Variants in EDNRA observed in about 807,000 individuals in gnomAD.
EDNRA encodes the protein endothelin receptor type A.
A neutral mutation model predicts 41.4 loss-of-function variants in EDNRA; 11 were observed. The observed-to-expected ratio is 0.27, with a 90% CI of 0.17 to 0.44. EDNRA has a LOEUF of 0.44. Among genes scored for constraint, EDNRA ranks in the 20% least tolerant of loss-of-function variants. The probability of loss-of-function intolerance (pLI) is 1.00; values close to 1 mark genes in which losing one functional copy is unlikely to be tolerated. For missense variants in EDNRA, 294 were observed against 531.0 expected, an observed-to-expected ratio of 0.55 and a Z score of 4.39; for synonymous variants, 172 against 183.0, an observed-to-expected ratio of 0.94 and a Z score of 0.49.
chr4:147,507,813 A>T (rs1468823667), intron 2 of EDNRA, among the ~76,000 whole-genome samples: 2 of 152,168 alleles, frequency 1.3e-5, no homozygotes, highest in Non-Finnish European at 2.9e-5. Flanking sequence ...CCCAACACTT[A>T]TTATTGTCAG....
In EDNRA at chr4:147,542,517, A is replaced by T. The variant is rs1203866800; in HGVS notation, c.1183A>T (p.Met395Leu). The change falls in exon 8 of 8, where the codon ATG (methionine) becomes TTG (leucine). Residue 395 changes from methionine to leucine, a missense_variant. Met to Leu is a conservative substitution (Grantham distance 15, BLOSUM62 2). This residue lies in a region of EDNRA where 185 missense variants were observed against 390.8 expected (regional missense o/e 0.47). Transcript: ENST00000651419. Reference sequence around the variant, plus strand: ...CTGCTGTTACCAGTCCAAAAGTCTGATGACCTCGGTCCCCATGAACGGAAC... The same window carrying T: ...CTGCTGTTACCAGTCCAAAAGTCTGTTGACCTCGGTCCCCATGAACGGAAC... ...CCCCYQSKSL[M>L]TSVPMNGTSI... 9 of 1,614,134 alleles carry T rather than the reference A, an allele frequency of 5.6e-6. No homozygotes were observed. The South Asian group carries it at 7.7e-5, about 14-fold the overall frequency.
intron 4 of EDNRA, 93 bp downstream of exon 4, chr4:147,532,797 CAA>C: frequency 7.6e-7 from 1 of 1,312,190 alleles, no homozygotes; most frequent in Non-Finnish European, 1.1e-6. Context: ...GCCACAATGT[CAA>C]GTGTGGTTTC....
In EDNRA at chr4:147,519,774, G is replaced by T; in HGVS notation, c.421-77G>T. 6.7e-7 allele frequency: 1 copy of T among 1,496,368 alleles called. No homozygotes were observed. Among genetic ancestry groups the T allele is most frequent in the Non-Finnish European group, 9.0e-7 (1 of 1,111,814 alleles). 92.7% of individuals were successfully genotyped at this position (1,496,368 alleles called of 1,614,324 possible). A position where few individuals can be genotyped will look rare whatever the true frequency, so the allele number is the denominator to read the frequency against. ...GTGAATAAAATTTAGAAGTTGGGAC[G>T]CATAACTAAAACTGTAAGTGCCCAC... On this transcript the variant is annotated intron_variant, in intron 2 of 7. Coordinates refer to ENST00000651419, the MANE Select transcript of EDNRA (RefSeq NM_001957.4). This position sits in a 1 kb window ranked among gnomAD's most constrained non-coding sequence, Gnocchi z 4.1.
chr4:147,520,977 C>T (rs1015107534), intron 3 of EDNRA, among the ~76,000 whole-genome samples: 14 of 152,172 alleles, frequency 9.2e-5, no homozygotes, highest in African/African-American at 3.4e-4. Context: ...TTTATGTCAG[C>T]TGGGCACGGT....
At chr4:147,484,224 G>A (rs569031447) in intron 1 of EDNRA, among the ~76,000 whole-genome samples, 1 of 151,946 alleles carries the variant, frequency 6.6e-6, no homozygotes, top group African/African-American at 2.4e-5. Context: ...TAGACTTCCT[G>A]GACAGGAAGG....
chr4:147,536,696 T>A (rs1730933312), intron 5 of EDNRA, among the ~76,000 whole-genome samples: 1 of 152,112 alleles, frequency 6.6e-6, no homozygotes, highest in African/African-American at 2.4e-5. Context: ...TGCTAGGAAA[T>A]GGGATCATGT....
chr4:147,498,855 T>C (rs1729406883), intron 2 of EDNRA, among the ~76,000 whole-genome samples: 1 of 152,184 alleles, frequency 6.6e-6, no homozygotes, highest in African/African-American at 2.4e-5. Context: ...TTCTCTTACC[T>C]CAACCTTCCA....
chr4:147,521,494 T>C (rs1325313771), intron 3 of EDNRA, among the ~76,000 whole-genome samples: 1 of 152,168 alleles, frequency 6.6e-6, no homozygotes, highest in African/African-American at 2.4e-5. Context: ...GAGATCATGG[T>C]ACCTTAGACC....
At chr4:147,496,380 A>AAAG (rs10305879) in intron 2 of EDNRA, among the ~76,000 whole-genome samples, 4,471 of 152,330 alleles carry the variant, frequency 0.029, 194 homozygotes, top group African/African-American at 0.1. Context: ...TTACTTGCTT[A>AAAG]AAGAAGTGAA....
chr4:147,501,681 A>G (rs1729521354), intron 2 of EDNRA, among the ~76,000 whole-genome samples: 1 of 152,194 alleles, frequency 6.6e-6, no homozygotes, highest in Admixed American at 6.5e-5. Context: ...CATCCTGGAG[A>G]TCTCTGAATA....
chr4:147,503,654 A>C (rs1380571845), intron 2 of EDNRA, among the ~76,000 whole-genome samples: 1 of 152,240 alleles, frequency 6.6e-6, no homozygotes, highest in Non-Finnish European at 1.5e-5. Flanking sequence ...CCAGCAAAGA[A>C]AATTAAATAT....
In EDNRA at chr4:147,528,073, A is replaced by G. The variant is rs372192406; in HGVS notation, c.549-4433A>G. The stretch of plus-strand genomic sequence containing the variant: ...TGTAGTGTGCTATTAGCTTTAGCCA[A>G]TTAAGGTAAGGTAAGGTTACACAGT... On this transcript the variant is annotated intron_variant, in intron 3 of 7. Coordinates refer to ENST00000651419, the MANE Select transcript of EDNRA (RefSeq NM_001957.4). 6.6e-5 allele frequency among the ~76,000 whole-genome samples: 10 copies of G among 152,334 alleles called. 1 individual carries two copies. The South Asian group carries it at 8.3e-4, about 13-fold the overall frequency.
chr4:147,505,684 T>G (rs1465819846), intron 2 of EDNRA, among the ~76,000 whole-genome samples: 1 of 136,538 alleles, frequency 7.3e-6, no homozygotes, highest in Non-Finnish European at 1.5e-5. Context: ...AGTCTCAGTC[T>G]GTTGCCCAGA....
chr4:147,499,707 TAAGAAA>T (rs748254989), intron 2 of EDNRA, among the ~76,000 whole-genome samples: 2 of 151,416 alleles, frequency 1.3e-5, no homozygotes, highest in African/African-American at 2.4e-5. Context: ...ATGTTTCAGT[TAAGAAA>T]AAGAAAAAGG....
At chr4:147,496,446 CT>C (rs1350622771) in intron 2 of EDNRA, among the ~76,000 whole-genome samples, 4 of 152,128 alleles carry the variant, frequency 2.6e-5, no homozygotes, top group Non-Finnish European at 5.9e-5. Flanking sequence ...ACTTTTTAAA[CT>C]TTTAAATATG....
chr4:147,508,063 C>T (rs921645769), intron 2 of EDNRA, among the ~76,000 whole-genome samples: 8 of 152,224 alleles, frequency 5.3e-5, no homozygotes, highest in South Asian at 2.1e-4. Flanking sequence ...GTATGATTTG[C>T]AAATATTTTT....
At chr4:147,539,450 C>T (rs1387580073) in intron 5 of EDNRA, among the ~76,000 whole-genome samples, 1 of 151,924 alleles carries the variant, frequency 6.6e-6, no homozygotes, top group Non-Finnish European at 1.5e-5. Flanking sequence ...CAGTCACACT[C>T]CACCCCACTA....
chr4:147,504,726 G>A (rs1729628380), intron 2 of EDNRA, among the ~76,000 whole-genome samples: 1 of 152,066 alleles, frequency 6.6e-6, no homozygotes, highest in Admixed American at 6.5e-5. Flanking sequence ...GGCCAAGGCA[G>A]GCAGATTACT....
At chr4:147,534,193 T>G (rs1578814002) in intron 4 of EDNRA, among the ~76,000 whole-genome samples, 1 of 152,248 alleles carries the variant, frequency 6.6e-6, no homozygotes, top group East Asian at 1.9e-4. Flanking sequence ...CTGCATCATT[T>G]ATACCCAGCC....
Sources: allele counts gnomAD v4.1 joint callset (sites outside exome capture counted in the v4.1 genomes callset), GRCh38; gene constraint gnomAD v4.1.1; regional missense constraint gnomAD v4.1.1; non-coding constraint Gnocchi (gnomAD v3.1); transcripts MANE v1.5; gene names NCBI Gene and HGNC (gene_info 2026-07-23, HGNC 2026-07-21).